Variants in LARP1B observed in about 807,000 individuals in gnomAD.
LARP1B encodes the protein la-related protein 1B.
Under a neutral mutation model 114.2 loss-of-function variants are expected in LARP1B, and 76 were observed. That is an observed-to-expected ratio of 0.67 (90% CI 0.55 to 0.81). The LOEUF (loss-of-function observed/expected upper bound fraction) is 0.81, where lower values mean the gene tolerates loss of function less well. LARP1B is among the 30% of genes least tolerant of loss of function. The pLI is 0.00. For synonymous variants in LARP1B, 345 were observed against 348.0 expected (o/e 0.99, Z 0.10); for missense variants, 1,014 against 1,075.8 (o/e 0.94, Z 0.80).
chr4:128,127,556 G>A lies in LARP1B; in HGVS notation c.1524+5368G>A, dbSNP rs372285680. Among the ~76,000 whole-genome samples the A allele has an allele frequency of 1.1e-3, 175 of 152,254 alleles. No homozygotes were observed. In the Middle Eastern group the frequency reaches 0.014, roughly 12 times the overall value. ...CTTAAAAAATAACAAAATTACGGCC[G>A]GGCACGGTGGCTCACGCCTGTAATC... On this transcript the variant is annotated intron_variant, in intron 11 of 19. Coordinates refer to ENST00000326639, the MANE Select transcript of LARP1B (RefSeq NM_018078.4).
At chr4:128,120,277 G>C (rs758992363) in intron 10 of LARP1B, among the ~76,000 whole-genome samples, 90 of 152,142 alleles carry the variant, frequency 5.9e-4, no homozygotes, top group Middle Eastern at 3.4e-3. Flanking sequence ...TTTTTTCCTA[G>C]ACATAGGAAG....
rs547978314 is a variant in LARP1B, at chr4:128,073,441, A to G, written c.-77-1019A>G. On this transcript the variant is annotated intron_variant, in intron 1 of 19. Transcript: ENST00000326639. ...CTCAAAAAAAAAAAAAAAAAAAAAA[A>G]AAAAAAGAAAGAAAGAAAGAAATAC... Among the ~76,000 whole-genome samples the G allele has an allele frequency of 3.4e-3, 490 of 143,720 alleles. 6 individuals carry two copies. Among genetic ancestry groups the G allele is most frequent in the African/African-American group, 0.012 (474 of 38,054 alleles). 94.3% of individuals were successfully genotyped at this position (143,720 alleles called of 152,430 possible).
chr4:128,078,026 A>AAC, intron 4 of LARP1B, 64 bp downstream of exon 4: 3 of 1,136,136 alleles, frequency 2.6e-6, no homozygotes, highest in Non-Finnish European at 3.7e-6. Context: ...GAGGAATTAC[A>AAC]TTTCATTAAC....
At chr4:128,080,515 T>G (rs1769914214) in intron 4 of LARP1B, among the ~76,000 whole-genome samples, 1 of 152,234 alleles carries the variant, frequency 6.6e-6, no homozygotes, top group South Asian at 2.1e-4. Flanking sequence ...ATCCATAGTT[T>G]GCAGGATTTA....
chr4:128,095,027 A>C (rs1454105580), intron 7 of LARP1B, among the ~76,000 whole-genome samples: 1 of 152,206 alleles, frequency 6.6e-6, no homozygotes, highest in African/African-American at 2.4e-5. Context: ...TGGAAATGAC[A>C]GACGTGAGCC....
intron 15 of LARP1B, among the ~76,000 whole-genome samples, chr4:128,194,213 C>T (rs1332862431): frequency 6.6e-6 from 1 of 151,968 alleles, no homozygotes; most frequent in Non-Finnish European, 1.5e-5. Flanking sequence ...GCTGGGATTA[C>T]AGGTGCCCGC....
At chr4:128,174,931 C>T (rs77464977) in intron 12 of LARP1B, among the ~76,000 whole-genome samples, 2,667 of 152,076 alleles carry the variant, frequency 0.018, 64 homozygotes, top group East Asian at 0.1. Flanking sequence ...AATTGTGTGA[C>T]GTATATTTTT....
intron 11 of LARP1B, among the ~76,000 whole-genome samples, chr4:128,135,647 A>C (rs1422140887): frequency 6.6e-6 from 1 of 152,204 alleles, no homozygotes; most frequent in Non-Finnish European, 1.5e-5. Context: ...CTTTATGCTA[A>C]GGGAAATATT....
chr4:128,153,613 T>A (rs1272065880), intron 11 of LARP1B, among the ~76,000 whole-genome samples: 4 of 152,218 alleles, frequency 2.6e-5, no homozygotes, highest in Non-Finnish European at 5.9e-5. Flanking sequence ...CAGTTTGCCT[T>A]TTAAAATGTG....
intron 3 of LARP1B, among the ~76,000 whole-genome samples, chr4:128,077,347 AAG>A (rs1177391652): frequency 6.6e-6 from 1 of 151,926 alleles, no homozygotes; most frequent in Non-Finnish European, 1.5e-5. Context: ...AAAAAAAAAA[AAG>A]AGTTAGCCAG....
chr4:128,193,759 G>A (rs939922950), intron 15 of LARP1B, among the ~76,000 whole-genome samples: 2 of 151,946 alleles, frequency 1.3e-5, no homozygotes, highest in Non-Finnish European at 2.9e-5. Flanking sequence ...TGGAATTACA[G>A]GTGCAAGCCA....
chr4:128,171,114 T>C (rs1271759692), intron 12 of LARP1B, among the ~76,000 whole-genome samples: 2 of 151,922 alleles, frequency 1.3e-5, no homozygotes, highest in Non-Finnish European at 2.9e-5. Flanking sequence ...GATTTTTTTT[T>C]TTTCCTTTCT....
chr4:128,117,205 G>T (rs976605420), intron 10 of LARP1B, among the ~76,000 whole-genome samples: 2 of 146,844 alleles, frequency 1.4e-5, no homozygotes, highest in African/African-American at 2.5e-5. Context: ...CCCGGCCTGA[G>T]ATTTTTTTTT....
intron 7 of LARP1B, among the ~76,000 whole-genome samples, chr4:128,095,387 G>A (rs989321370): frequency 3.3e-5 from 5 of 151,620 alleles, no homozygotes; most frequent in African/African-American, 1.2e-4. Flanking sequence ...TACTCAGGAG[G>A]GTGAGGCAGG....
chr4:128,146,612 A>G (rs1730464480), intron 11 of LARP1B, among the ~76,000 whole-genome samples: 1 of 152,180 alleles, frequency 6.6e-6, no homozygotes, highest in African/African-American at 2.4e-5. Context: ...GCTAAGGTCA[A>G]TATGGTGGTT....
intron 3 of LARP1B, among the ~76,000 whole-genome samples, chr4:128,077,138 A>G (rs1167223402): frequency 1.3e-5 from 2 of 152,174 alleles, no homozygotes; most frequent in Non-Finnish European, 2.9e-5. Flanking sequence ...AATGAATGCA[A>G]TAATCTTTTC....
chr4:128,124,077 G>A (rs1357657961), intron 11 of LARP1B, among the ~76,000 whole-genome samples: 1 of 152,102 alleles, frequency 6.6e-6, no homozygotes, highest in Non-Finnish European at 1.5e-5. Context: ...TGCTTAAAGG[G>A]AGAGAAATCA....
chr4:128,109,568 G>A (rs1247384671), intron 9 of LARP1B, among the ~76,000 whole-genome samples: 1 of 152,036 alleles, frequency 6.6e-6, no homozygotes, highest in Admixed American at 6.6e-5. Flanking sequence ...GATATTGTTA[G>A]TATTTTACTA....
chr4:128,086,138 G>C (rs1353219128), intron 5 of LARP1B, among the ~76,000 whole-genome samples: 1 of 150,952 alleles, frequency 6.6e-6, no homozygotes, highest in African/African-American at 2.4e-5. Flanking sequence ...TGAGTAGCTG[G>C]GACTACAAGC....
Sources: gnomAD v4.1 joint callset for allele counts (sites outside exome capture counted in the v4.1 genomes callset) on GRCh38, gnomAD v4.1.1 for gene constraint, MANE v1.5 for transcripts, NCBI Gene and HGNC (gene_info 2026-07-23, HGNC 2026-07-21) for gene names.